The following TENM4 variants were observed in gnomAD, a reference collection of about 807,000 sequenced individuals.
TENM4 encodes teneurin transmembrane protein 4, also known as teneurin-4.
A neutral mutation model predicts 243.3 loss-of-function variants in TENM4; 82 were observed. The ratio of observed to expected loss-of-function variants is 0.34; its 90% CI spans 0.28 to 0.40. The LOEUF is 0.40. Ranked by LOEUF, TENM4 falls within the 10% of genes least tolerant of loss-of-function variation. The pLI, the probability that TENM4 is intolerant of heterozygous loss-of-function variation, is 1.00. For synonymous variants in TENM4, 1,412 were observed against 1,456.3 expected (o/e 0.97, Z 0.69); for missense variants, 3,138 against 3,673.3 (o/e 0.85, Z 3.77).
At position 78,676,149 on chromosome 11, in the gene TENM4, C is replaced by T. The variant is rs756205943; in HGVS notation, c.5496+3G>A. On this transcript the variant is annotated splice_donor_region_variant and intron_variant, in intron 30 of 33. Coordinates refer to ENST00000278550, the MANE Select transcript of TENM4 (RefSeq NM_001098816.3). Reference sequence around the variant, plus strand: ...CGCAGCCACCTCCAGAGGCCTCGCTCACCCGCAGCCGGCGCCCAAAGACAG... The same window carrying T: ...CGCAGCCACCTCCAGAGGCCTCGCTTACCCGCAGCCGGCGCCCAAAGACAG... 2.0e-6 allele frequency: 3 copies of T among 1,503,898 alleles called. No individual in the cohort carries two copies. The highest frequency in any genetic ancestry group is 2.8e-5 in the African/African-American group (2 of 72,480). The allele number at this position is 1,503,898 out of a possible 1,614,324, so 93.2% of individuals were successfully genotyped here. A position where few individuals can be genotyped will look rare whatever the true frequency, so the allele number is the denominator to read the frequency against.
rs186973403 is a variant in TENM4, at chr11:78,744,287, C to T, written c.2757-5717G>A. Among the ~76,000 whole-genome samples, 121 of 152,348 alleles carry T rather than the reference C, an allele frequency of 7.9e-4. 1 individual carries two copies. The highest frequency in any genetic ancestry group is 2.2e-3 in the African/African-American group (93 of 41,582). On this transcript the variant is annotated intron_variant, in intron 19 of 33. Coordinates refer to ENST00000278550, the MANE Select transcript of TENM4 (RefSeq NM_001098816.3). ...TCTCTCTTCCTAGTTTTCCATCTGACGCTCTACCTCAGTTTCTTGAACCAG... is the reference window on the plus strand; with the variant it reads ...TCTCTCTTCCTAGTTTTCCATCTGATGCTCTACCTCAGTTTCTTGAACCAG...
At chr11:78,704,419 T>C (rs1859193294) in intron 27 of TENM4, among the ~76,000 whole-genome samples, 3 of 152,060 alleles carry the variant, frequency 2.0e-5, no homozygotes, top group Non-Finnish European at 2.9e-5. Flanking sequence ...TTTTTAATAA[T>C]GACAAAGACC....
chr11:79,308,696 C>T (rs1295331922), intron 1 of TENM4, among the ~76,000 whole-genome samples: 1 of 152,202 alleles, frequency 6.6e-6, no homozygotes, highest in East Asian at 1.9e-4. Flanking sequence ...CTACACGGCA[C>T]GTTAGAGTTA....
At chr11:79,348,614 A>G (rs577398202) in intron 1 of TENM4, among the ~76,000 whole-genome samples, 2 of 152,322 alleles carry the variant, frequency 1.3e-5, no homozygotes, top group East Asian at 3.9e-4. Context: ...TCATGATGGT[A>G]TTAGTGGTTT....
At position 78,777,704 on chromosome 11, in the gene TENM4, A is replaced by T. The variant is rs77327307; in HGVS notation, c.2392+898T>A. ...TAGTTCCCTGAGTGTTGAAGCTGGGATTCAAACCCAAGCAGTCTGACTCTA... is the reference window on the plus strand; with the variant it reads ...TAGTTCCCTGAGTGTTGAAGCTGGGTTTCAAACCCAAGCAGTCTGACTCTA... On this transcript the variant is annotated intron_variant, in intron 17 of 33. Coordinates refer to ENST00000278550, the MANE Select transcript of TENM4 (RefSeq NM_001098816.3). Among the ~76,000 whole-genome samples the T allele has an allele frequency of 3.8e-3, 581 of 152,290 alleles. 2 individuals carry two copies. The highest frequency in any genetic ancestry group is 0.013 in the African/African-American group (549 of 41,566).
chr11:78,715,945 C>T (rs182790476), intron 25 of TENM4, among the ~76,000 whole-genome samples: 4 of 152,214 alleles, frequency 2.6e-5, no homozygotes, highest in Admixed American at 2.0e-4. Context: ...ATGACTACCA[C>T]TGATAAGAAT....
At chr11:78,843,648 A>G (rs1430063606) in intron 12 of TENM4, among the ~76,000 whole-genome samples, 1 of 152,238 alleles carries the variant, frequency 6.6e-6, no homozygotes, top group Non-Finnish European at 1.5e-5. Flanking sequence ...AGAATGGGAC[A>G]TTGGAGAAGT....
intron 6 of TENM4, among the ~76,000 whole-genome samples, chr11:78,932,433 T>C (rs920993954): frequency 5.3e-5 from 8 of 152,014 alleles, no homozygotes; most frequent in Admixed American, 3.3e-4. Flanking sequence ...GAGCATGAGA[T>C]GGGATTAGGG....
chr11:78,956,912 T>G (rs936270280), intron 6 of TENM4, among the ~76,000 whole-genome samples: 1 of 152,228 alleles, frequency 6.6e-6, no homozygotes, highest in Non-Finnish European at 1.5e-5. Context: ...CTTTTTTAAA[T>G]CTGAACATTT....
At chr11:79,129,752 C>G (rs903373354) in intron 4 of TENM4, among the ~76,000 whole-genome samples, 1 of 152,134 alleles carries the variant, frequency 6.6e-6, no homozygotes, top group Non-Finnish European at 1.5e-5. Context: ...AGAGTCTGAG[C>G]TCAGACATGC....
intron 12 of TENM4, among the ~76,000 whole-genome samples, chr11:78,828,970 G>A (rs1399295984): frequency 6.6e-6 from 1 of 152,252 alleles, no homozygotes; most frequent in Non-Finnish European, 1.5e-5. Flanking sequence ...CAATGAGAGG[G>A]TGGCCTGTGG....
chr11:78,661,600 GA>G lies in TENM4; in HGVS notation c.7409-10del, dbSNP rs748601260. Reference sequence around the variant, plus strand: ...CAGCCAGCTGTTAACATCTGGATGGGAGGGAAGCAGAAACATCTCCATGGAG... The same window carrying G: ...CAGCCAGCTGTTAACATCTGGATGGGGGGAAGCAGAAACATCTCCATGGAG... On this transcript the variant is annotated splice_polypyrimidine_tract_variant and intron_variant, in intron 32 of 33. Coordinates refer to ENST00000278550, the MANE Select transcript of TENM4 (RefSeq NM_001098816.3). 65 of 1,612,154 alleles carry G rather than the reference GA, an allele frequency of 4.0e-5. No individual in the cohort carries two copies. The highest frequency in any genetic ancestry group is 5.5e-5 in the Non-Finnish European group (65 of 1,179,330).
intron 6 of TENM4, among the ~76,000 whole-genome samples, chr11:78,955,634 T>G (rs995411159): frequency 1.3e-5 from 2 of 152,204 alleles, no homozygotes; most frequent in East Asian, 3.8e-4. Context: ...GAAAAGGAAC[T>G]GCAAAGAGTC....
At chr11:79,360,432 ACCT>A (rs1363685174) in intron 1 of TENM4, among the ~76,000 whole-genome samples, 1 of 151,900 alleles carries the variant, frequency 6.6e-6, no homozygotes, top group Non-Finnish European at 1.5e-5. Context: ...CACATAGGGA[ACCT>A]CTCCCTCCTC....
intron 16 of TENM4, among the ~76,000 whole-genome samples, chr11:78,780,365 T>G (rs1856817281): frequency 6.6e-6 from 1 of 152,270 alleles, no homozygotes; most frequent in Non-Finnish European, 1.5e-5. Flanking sequence ...AGGGCATGAA[T>G]ACATAGAATC....
chr11:78,903,436 G>A lies in TENM4; in HGVS notation c.581C>T (p.Ala194Val), dbSNP rs1199250847. ...CCGGTTCAGGGAGTTAATGGAGGCC[G>A]CGTGGTGCTGGTTGGGGGTGTGGGC... ...SHAHTPNQHHAASINSLNRGN... is the reference protein window; with the variant it reads ...SHAHTPNQHHVASINSLNRGN... The change falls in exon 7 of 34, where the codon GCG (alanine) becomes GTG (valine). Residue 194 changes from alanine to valine, a missense_variant. By Grantham distance (64) the Ala-to-Val change is moderately conservative. Coordinates refer to ENST00000278550, the MANE Select transcript of TENM4 (RefSeq NM_001098816.3). The A allele has an allele frequency of 2.6e-6, 4 of 1,547,886 alleles. No homozygotes were observed. The highest frequency in any genetic ancestry group is 2.6e-6 in the Non-Finnish European group (3 of 1,145,286).
At chr11:78,933,951 A>AG (rs975877759) in intron 6 of TENM4, among the ~76,000 whole-genome samples, 3 of 152,140 alleles carry the variant, frequency 2.0e-5, no homozygotes, top group Admixed American at 1.3e-4. Flanking sequence ...TCCTGGGGAA[A>AG]GGGGGGGACA....
chr11:79,169,642 C>A (rs1248050529), intron 3 of TENM4, among the ~76,000 whole-genome samples: 1 of 152,134 alleles, frequency 6.6e-6, no homozygotes, highest in Non-Finnish European at 1.5e-5. Flanking sequence ...CCCCCTCCCC[C>A]CAAAAAATGA....
chr11:79,039,367 C>T (rs2136893407), intron 6 of TENM4, among the ~76,000 whole-genome samples: 1 of 152,320 alleles, frequency 6.6e-6, no homozygotes, highest in Middle Eastern at 3.4e-3. Context: ...TGCTGTACGT[C>T]AGCACAGCTG....
Sources: gnomAD v4.1 joint callset for allele counts (sites outside exome capture counted in the v4.1 genomes callset) on GRCh38, gnomAD v4.1.1 for gene constraint, MANE v1.5 for transcripts, NCBI Gene and HGNC (gene_info 2026-07-23, HGNC 2026-07-21) for gene names.